PUM1: variants seen among roughly 807,000 people sequenced by gnomAD.
PUM1 encodes the protein pumilio homolog 1.
Under a neutral mutation model 131.8 loss-of-function variants are expected in PUM1, and 13 were observed. The observed-to-expected ratio is 0.10, with a 90% confidence interval of 0.06 to 0.16. The LOEUF (loss-of-function observed/expected upper bound fraction) is 0.16. Ranked by LOEUF, PUM1 falls within the 10% of genes least tolerant of loss-of-function variation. The pLI, the probability that PUM1 is intolerant of heterozygous loss-of-function variation, is 1.00. For synonymous variants in PUM1, 509 were observed against 556.5 expected (o/e 0.91, Z 1.20); for missense variants, 961 against 1,512.4 (o/e 0.64, Z 6.05).
At chr1:31,038,984 A>ATATTTTTTTTTTTT in intron 2 of PUM1, among the ~76,000 whole-genome samples, 9 of 49,416 alleles carry the variant, frequency 1.8e-4, no homozygotes, top group African/African-American at 1.4e-3. Flanking sequence ...ATATATATAT[A>ATATTTTTTTTTTTT]TTTTTTTTTT....
At chr1:30,936,537 G>C (rs1332328115) in intron 21 of PUM1, 106 bp downstream of exon 21, 3 of 1,105,558 alleles carry the variant, frequency 2.7e-6, no homozygotes. Flanking sequence ...ACAGAGGTCA[G>C]TGACAAACTC....
At chr1:30,973,252 TAA>T (rs11376427) in intron 10 of PUM1, among the ~76,000 whole-genome samples, 7 of 138,186 alleles carry the variant, frequency 5.1e-5, no homozygotes, top group African/African-American at 5.3e-5. Flanking sequence ...GTGTGGAATC[TAA>T]AAAAAAAAAA....
At chr1:31,007,226 G>T in intron 3 of PUM1, 124 bp from the exon 4 acceptor site, 1 of 695,550 alleles carries the variant, frequency 1.4e-6, no homozygotes, top group Non-Finnish European at 2.5e-6. Context: ...TTTAATTAAA[G>T]TGTTCCAACT....
chr1:30,982,510 T>C (rs565844610), intron 7 of PUM1, among the ~76,000 whole-genome samples: 1 of 152,340 alleles, frequency 6.6e-6, no homozygotes, highest in Admixed American at 6.5e-5. Context: ...CTTACTGAAG[T>C]GACCTCCCTG....
intron 2 of PUM1, among the ~76,000 whole-genome samples, chr1:31,042,336 A>AAAT (rs1442584784): frequency 5.2e-5 from 6 of 116,218 alleles, no homozygotes; most frequent in East Asian, 4.9e-4. Flanking sequence ...ATAAATAAAT[A>AAAT]AAATAAAATA....
intron 10 of PUM1, among the ~76,000 whole-genome samples, chr1:30,970,563 G>C (rs888479963): frequency 6.6e-6 from 1 of 152,164 alleles, no homozygotes; most frequent in African/African-American, 2.4e-5. Context: ...AACTTTGTAA[G>C]AGAAAGTGTG....
intron 17 of PUM1, among the ~76,000 whole-genome samples, chr1:30,947,041 G>A (rs962019891): frequency 2.0e-5 from 3 of 152,140 alleles, no homozygotes; most frequent in East Asian, 1.9e-4. Flanking sequence ...ACCTCTAACC[G>A]TGTAACATGT....
At chr1:30,950,430 A>G (rs1639882257) in intron 16 of PUM1, among the ~76,000 whole-genome samples, 169 bp from the exon 17 acceptor site, 1 of 152,278 alleles carries the variant, frequency 6.6e-6, no homozygotes, top group African/African-American at 2.4e-5. Flanking sequence ...TCAAGCCAGT[A>G]GTTCTCGATC....
intron 2 of PUM1, among the ~76,000 whole-genome samples, chr1:31,036,056 C>A (rs1292789027): frequency 1.3e-5 from 2 of 151,668 alleles, no homozygotes; most frequent in East Asian, 3.9e-4. Flanking sequence ...GATAAAGATC[C>A]GAAATAGAAT....
chr1:30,936,754 G>T lies in PUM1; in HGVS notation c.3324C>A (p.Asp1108Glu), dbSNP rs138834169. The T allele has an allele frequency of 6.2e-7, 1 of 1,613,854 alleles. No homozygotes were observed. Among genetic ancestry groups the T allele is most frequent in the Non-Finnish European group, 8.5e-7 (1 of 1,179,754 alleles). Residue 1108 changes from aspartate to glutamate, a missense_variant, in exon 21 of 22, where the codon GAC becomes GAA. By Grantham distance (45) the Asp-to-Glu change is conservative (BLOSUM62 2). Transcript: ENST00000426105. ...VLIDEVCTMN[D>E]GPHSALYTMM... is the part of the protein sequence containing the mutation. ...TGGTGTATAAGGCACTGTGGGGACC[G>T]TCGTTCATGGTGCACACCTCATCGA... is the stretch of plus-strand genomic sequence containing the variant.
intron 2 of PUM1, among the ~76,000 whole-genome samples, chr1:31,038,877 T>C (rs1399311226): frequency 6.8e-6 from 1 of 148,120 alleles, no homozygotes; most frequent in African/African-American, 2.5e-5. Flanking sequence ...TAGGAAAAGA[T>C]GGAAACAGTC....
intron 16 of PUM1, 83 bp from the exon 17 acceptor site, chr1:30,950,344 C>G: frequency 7.1e-7 from 1 of 1,416,822 alleles, no homozygotes; most frequent in Non-Finnish European, 9.7e-7. Context: ...TATTCTGCAT[C>G]AACCACTGGC....
At chr1:31,032,631 T>C (rs1305181299) in intron 2 of PUM1, among the ~76,000 whole-genome samples, 1 of 152,094 alleles carries the variant, frequency 6.6e-6, no homozygotes, top group Non-Finnish European at 1.5e-5. Flanking sequence ...TTACCACATT[T>C]TGGAAAATGA....
intron 2 of PUM1, among the ~76,000 whole-genome samples, chr1:31,052,949 C>A (rs1364548753): frequency 9.9e-5 from 15 of 151,738 alleles, no homozygotes. Context: ...ACTGATCCGC[C>A]CACCTCGGCC....
At chr1:31,001,109 G>C (rs554648601) in intron 5 of PUM1, among the ~76,000 whole-genome samples, 3 of 152,170 alleles carry the variant, frequency 2.0e-5, no homozygotes. Context: ...GCATGAACCC[G>C]GGAGGCGGAG....
In PUM1 at chr1:30,964,761, T is replaced by C. The variant is rs370877118; in HGVS notation, c.2236A>G (p.Met746Val). The C allele has an allele frequency of 2.5e-6, 4 of 1,614,084 alleles. No homozygotes were observed. Among genetic ancestry groups the C allele is most frequent in the Non-Finnish European group, 3.4e-6 (4 of 1,179,996 alleles). The change falls in exon 14 of 22, where the codon ATG (methionine) becomes GTG (valine). Residue 746 changes from methionine (M) to valine (V), a missense_variant. Coordinates refer to ENST00000426105, the MANE Select transcript of PUM1 (RefSeq NM_001020658.2). ...CCTGGTCCCTGACTAGGGAGAGGCA[T>C]GCCCACGGGTCCAGGAGAGGAGGAA... The part of the protein sequence containing the change: ...SFSSSPGPVG[M>V]PLPSQGPGHS...
At chr1:30,966,509 A>G (rs1177784967) in intron 12 of PUM1, 1 of 486,050 alleles carries the variant, frequency 2.1e-6, no homozygotes, top group African/African-American at 1.9e-5. Context: ...GGTTGCTTTT[A>G]AGAGTATACA....
Position 31,039,769 on chromosome 1 carries a change from C to T in PUM1, c.364-10905G>A, listed in dbSNP as rs535503332. ...CACAAAAATTAGCCAGGCATGGTGG[C>T]GCACTTGTAATCCCAGCTACCTGGG... On this transcript the variant is annotated intron_variant, in intron 2 of 21. Transcript: ENST00000426105. 1.7e-4 allele frequency among the ~76,000 whole-genome samples: 26 copies of T among 152,140 alleles called. 1 individual carries two copies. Among genetic ancestry groups the T allele is most frequent in the African/African-American group, 6.0e-4 (25 of 41,518 alleles).
chr1:30,958,580 T>C (rs2124426798), intron 14 of PUM1, among the ~76,000 whole-genome samples: 1 of 151,408 alleles, frequency 6.6e-6, no homozygotes, highest in East Asian at 1.9e-4. Context: ...GGCGGGGGAG[T>C]AGGATAAAGA....
Sources: gnomAD v4.1 joint callset for allele counts (sites outside exome capture counted in the v4.1 genomes callset) on GRCh38, gnomAD v4.1.1 for gene constraint, MANE v1.5 for transcripts, NCBI Gene and HGNC (gene_info 2026-07-23, HGNC 2026-07-21) for gene names.